RABGAP1L: variants seen among roughly 807,000 people sequenced by gnomAD.
RABGAP1L encodes the protein RAB GTPase activating protein 1 like.
In RABGAP1L, 63 loss-of-function variants were observed where a neutral mutation model predicts 137.7. The ratio of observed to expected loss-of-function variants is 0.46; its 90% CI spans 0.37 to 0.56. The LOEUF (loss-of-function observed/expected upper bound fraction) is 0.56. Ranked by LOEUF, RABGAP1L falls within the 20% of genes least tolerant of loss-of-function variation. The pLI, the probability that RABGAP1L is intolerant of heterozygous loss-of-function variation, is 0.00. For synonymous variants in RABGAP1L, 431 were observed against 433.7 expected (o/e 0.99, Z 0.08); for missense variants, 1,095 against 1,244.0 (o/e 0.88, Z 1.80).
In RABGAP1L at chr1:174,892,981, T is replaced by C. The variant is rs528839256; in HGVS notation, c.2341-64476T>C. 14 of 178,302 alleles carry C rather than the reference T, an allele frequency of 7.9e-5. No homozygotes were observed. The South Asian group carries it at 1.6e-3, about 21-fold the overall frequency. The allele number at this position is 178,302 out of a possible 1,614,324, so 11.0% of individuals were successfully genotyped here. On this transcript the variant is annotated intron_variant, in intron 19 of 25. Transcript: ENST00000681986. ...TCCTGGCCCCGAACTCTTGACCTCATGTGGTCTGCCAGCCTCAGCCTCCCA... is the reference window on the plus strand; with the variant it reads ...TCCTGGCCCCGAACTCTTGACCTCACGTGGTCTGCCAGCCTCAGCCTCCCA...
chr1:174,958,368 A>G (rs1668795421), intron 20 of RABGAP1L, among the ~76,000 whole-genome samples: 1 of 152,198 alleles, frequency 6.6e-6, no homozygotes, highest in African/African-American at 2.4e-5. Context: ...GGAAACACTT[A>G]TTTCCAACTT....
At chr1:174,583,627 A>T (rs1475036173) in intron 13 of RABGAP1L, among the ~76,000 whole-genome samples, 4 of 151,890 alleles carry the variant, frequency 2.6e-5, no homozygotes, top group Non-Finnish European at 5.9e-5. Flanking sequence ...AGTCCCAGGA[A>T]TGGCCATGTA....
At chr1:174,585,001 C>T (rs187903016) in intron 13 of RABGAP1L, among the ~76,000 whole-genome samples, 155 of 152,046 alleles carry the variant, frequency 1.0e-3, no homozygotes, top group African/African-American at 3.4e-3. Flanking sequence ...TCAGAATTGA[C>T]AAGTGTTGTA....
chr1:174,519,062 C>T (rs1663120515), intron 13 of RABGAP1L, among the ~76,000 whole-genome samples: 1 of 151,362 alleles, frequency 6.6e-6, no homozygotes, highest in Non-Finnish European at 1.5e-5. Context: ...AGGCAGGGTT[C>T]CCTAGAAAGA....
chr1:174,331,843 C>A (rs1363667988), intron 11 of RABGAP1L, among the ~76,000 whole-genome samples: 1 of 136,800 alleles, frequency 7.3e-6, no homozygotes, highest in Non-Finnish European at 1.6e-5. Flanking sequence ...CACCCCACAA[C>A]CGTCCCTGGT....
chr1:174,647,448 G>A (rs1040124306), intron 14 of RABGAP1L, among the ~76,000 whole-genome samples: 3 of 152,038 alleles, frequency 2.0e-5, no homozygotes, highest in African/African-American at 4.8e-5. Flanking sequence ...AGCCCTTTCC[G>A]CATCTATTGA....
intron 13 of RABGAP1L, among the ~76,000 whole-genome samples, chr1:174,621,965 G>A (rs1215501779): frequency 6.6e-6 from 1 of 152,058 alleles, no homozygotes; most frequent in Non-Finnish European, 1.5e-5. Context: ...CTGACAAAGG[G>A]CTAATATCCA....
chr1:174,641,705 C>G (rs1377640169), intron 14 of RABGAP1L, among the ~76,000 whole-genome samples: 1 of 152,094 alleles, frequency 6.6e-6, no homozygotes, highest in African/African-American at 2.4e-5. Flanking sequence ...ATCAGGAAAT[C>G]TGGTTCTGGT....
chr1:174,231,401 G>A lies in RABGAP1L; in HGVS notation c.542+46G>A, dbSNP rs1182029308. The A allele has an allele frequency of 2.6e-6, 4 of 1,545,752 alleles. 1 individual carries two copies. Among genetic ancestry groups the A allele is most frequent in the Admixed American group, 3.3e-5 (2 of 59,774 alleles). On this transcript the variant is annotated intron_variant, in intron 4 of 25. Coordinates refer to ENST00000681986, the MANE Select transcript of RABGAP1L (RefSeq NM_001366446.1). The stretch of plus-strand genomic sequence containing the variant: ...CTTTAGACACATATTAAGTCTTTTG[G>A]GTGGTGGTGAAGATGTTATAGCATC...
intron 13 of RABGAP1L, among the ~76,000 whole-genome samples, chr1:174,496,971 C>A (rs1030292830): frequency 1.3e-5 from 2 of 152,164 alleles, no homozygotes; most frequent in Non-Finnish European, 2.9e-5. Flanking sequence ...TTATATATTT[C>A]TTGAATGTCT....
intron 14 of RABGAP1L, among the ~76,000 whole-genome samples, chr1:174,672,516 T>A (rs1457378250): frequency 6.6e-6 from 1 of 151,960 alleles, no homozygotes; most frequent in Non-Finnish European, 1.5e-5. Context: ...TGGGCTGAGT[T>A]TGTCTTTGTT....
intron 19 of RABGAP1L, among the ~76,000 whole-genome samples, chr1:174,923,467 C>T (rs1467636287): frequency 1.3e-5 from 2 of 152,192 alleles, no homozygotes. Flanking sequence ...TATTTCAGCA[C>T]CTCCTCAATG....
chr1:174,737,286 T>A (rs1364903416), intron 17 of RABGAP1L, among the ~76,000 whole-genome samples: 1 of 152,060 alleles, frequency 6.6e-6, no homozygotes, highest in Non-Finnish European at 1.5e-5. Flanking sequence ...GCTTAGAAAA[T>A]TTTTCCACCA....
chr1:174,223,240 C>G (rs1045943602), intron 3 of RABGAP1L, among the ~76,000 whole-genome samples: 6 of 129,920 alleles, frequency 4.6e-5, no homozygotes, highest in African/African-American at 1.7e-4. Context: ...TGCACTCCAG[C>G]CTGCGTGACA....
intron 13 of RABGAP1L, among the ~76,000 whole-genome samples, chr1:174,413,322 AT>A (rs1310533606): frequency 6.6e-6 from 1 of 152,066 alleles, no homozygotes; most frequent in African/African-American, 2.4e-5. Context: ...TCATTGATTT[AT>A]TTTTAAAGAT....
chr1:174,502,715 T>C (rs1371256393), intron 13 of RABGAP1L, among the ~76,000 whole-genome samples: 1 of 150,790 alleles, frequency 6.6e-6, no homozygotes, highest in African/African-American at 2.4e-5. Flanking sequence ...TGTGCATATA[T>C]ATACACACAC....
chr1:174,310,477 A>C (rs187349721), intron 11 of RABGAP1L, among the ~76,000 whole-genome samples: 1 of 152,156 alleles, frequency 6.6e-6, no homozygotes, highest in African/African-American at 2.4e-5. Flanking sequence ...GTGTACATTA[A>C]GTCTGATGTT....
At chr1:174,639,829 T>G (rs1419006593) in intron 14 of RABGAP1L, among the ~76,000 whole-genome samples, 1 of 152,148 alleles carries the variant, frequency 6.6e-6, no homozygotes, top group Non-Finnish European at 1.5e-5. Flanking sequence ...GTGTTGCAAA[T>G]AATAATGCAA....
chr1:174,718,992 A>G (rs957994174), intron 17 of RABGAP1L, among the ~76,000 whole-genome samples: 1 of 151,892 alleles, frequency 6.6e-6, no homozygotes, highest in South Asian at 2.1e-4. Flanking sequence ...GGCATGTGCT[A>G]CTATGCCTGG....
Sources: allele counts gnomAD v4.1 joint callset (sites outside exome capture counted in the v4.1 genomes callset), GRCh38; gene constraint gnomAD v4.1.1; transcripts MANE v1.5; gene names NCBI Gene and HGNC (gene_info 2026-07-23, HGNC 2026-07-21).